The following WDR20 variants were observed in gnomAD, a reference collection of about 807,000 sequenced individuals.
The protein encoded by WDR20 is WD repeat domain 20, also known as WD repeat-containing protein 20.
In WDR20, 3 loss-of-function variants were observed where a neutral mutation model predicts 38.7. That is an observed-to-expected ratio of 0.08 (90% CI 0.04 to 0.20). The LOEUF (loss-of-function observed/expected upper bound fraction) is 0.20, where lower values mean the gene tolerates loss of function less well. Ranked by LOEUF, WDR20 falls within the 10% of genes least tolerant of loss-of-function variation. The probability of loss-of-function intolerance (pLI) is 1.00; values close to 1 mark genes in which losing one functional copy is unlikely to be tolerated. For missense variants in WDR20, 559 were observed against 727.7 expected, an observed-to-expected ratio of 0.77 and a Z score of 2.67; for synonymous variants, 298 against 285.6, an observed-to-expected ratio of 1.04 and a Z score of -0.44.
downstream of WDR20, among the ~76,000 whole-genome samples, chr14:102,216,026 T>C (rs957825897): frequency 2.6e-5 from 4 of 152,114 alleles, no homozygotes; most frequent in African/African-American, 4.8e-5. Flanking sequence ...TCATGAGACA[T>C]CCAGGTCCCA....
At chr14:102,166,145 G>A (rs8009777) in intron 1 of WDR20, among the ~76,000 whole-genome samples, 5 of 134,566 alleles carry the variant, frequency 3.7e-5, no homozygotes, top group South Asian at 2.3e-4. Flanking sequence ...GACTATAGGC[G>A]TGTACCACCA....
chr14:102,143,914 T>C (rs770106163), intron 1 of WDR20, among the ~76,000 whole-genome samples: 2 of 151,734 alleles, frequency 1.3e-5, no homozygotes, highest in South Asian at 4.2e-4. Flanking sequence ...CAGTGGCTCA[T>C]ACCTGTAATC....
At chr14:102,139,769 C>G (rs2050231921), upstream of WDR20, 6 of 1,157,552 alleles carry the variant, frequency 5.2e-6, no homozygotes, top group Admixed American at 1.3e-4. Context: ...ACAAGCCCAC[C>G]CCTTCCCTTT....
rs1226526986 is a variant in WDR20 at position 102,222,088 on chromosome 14, G to A, written c.1693-742G>A. Among the ~76,000 whole-genome samples, 1 of 147,188 alleles carries A rather than the reference G, an allele frequency of 6.8e-6. No individual in the cohort carries two copies. The highest frequency in any genetic ancestry group is 2.5e-5 in the African/African-American group (1 of 39,382). The stretch of plus-strand genomic sequence containing the variant: ...TTGTAAAATCTGGGTGAGATTCCCC[G>A]CCCCCGCCCCCGACAGTGAGCCTCT... On this transcript the variant is annotated intron_variant, in intron 3 of 3. Coordinates refer to the WDR20 transcript ENST00000335263. This position sits in a 1 kb window ranked among gnomAD's most constrained non-coding sequence, Gnocchi z 4.4.
downstream of WDR20, among the ~76,000 whole-genome samples, chr14:102,210,749 C>T (rs1385709499): frequency 8.4e-6 from 1 of 118,412 alleles, no homozygotes; most frequent in Non-Finnish European, 1.7e-5. Flanking sequence ...CGGGGAGGTG[C>T]GGTGGGGGAG....
intron 1 of WDR20, among the ~76,000 whole-genome samples, chr14:102,166,144 C>T (rs1384700289): frequency 7.3e-6 from 1 of 136,978 alleles, no homozygotes; most frequent in African/African-American, 2.7e-5. Context: ...GGACTATAGG[C>T]GTGTACCACC....
intron 2 of WDR20, among the ~76,000 whole-genome samples, chr14:102,201,296 A>G (rs973015099): frequency 1.3e-5 from 2 of 152,156 alleles, no homozygotes; most frequent in African/African-American, 4.8e-5. Flanking sequence ...ATAAATTAAT[A>G]TCTGCATTTT....
At chr14:102,199,854 G>C (rs1171335218) in intron 2 of WDR20, among the ~76,000 whole-genome samples, 1 of 152,240 alleles carries the variant, frequency 6.6e-6, no homozygotes, top group Non-Finnish European at 1.5e-5. Context: ...TAAAATGCTT[G>C]TTGATAGAAA....
upstream of WDR20, chr14:102,139,424 C>A: frequency 6.6e-7 from 1 of 1,526,596 alleles, no homozygotes; most frequent in Non-Finnish European, 8.8e-7. Flanking sequence ...CCGTAGGGTA[C>A]CCCGCGTGCT....
intron 1 of WDR20, among the ~76,000 whole-genome samples, chr14:102,188,712 T>TA (rs890250596): frequency 4.7e-4 from 66 of 141,868 alleles, no homozygotes; most frequent in South Asian, 2.5e-3. Flanking sequence ...TACAGAAAAT[T>TA]AAAAAAAAAA....
chr14:102,213,867 C>T (rs1002759145), downstream of WDR20: 21 of 985,290 alleles, frequency 2.1e-5, no homozygotes, highest in African/African-American at 3.1e-4. Context: ...AGAAGGGATC[C>T]ACGGAAACCC....
chr14:102,150,159 A>T (rs1296914124), intron 1 of WDR20, among the ~76,000 whole-genome samples: 1 of 152,178 alleles, frequency 6.6e-6, no homozygotes, highest in African/African-American at 2.4e-5. Flanking sequence ...GAAGGAATTT[A>T]TAAGGATTTT....
In WDR20 at chr14:102,194,976, C is replaced by T. The variant is rs2059173232; in HGVS notation, c.288C>T (p.Tyr96=). The T allele has an allele frequency of 6.2e-7, 1 of 1,614,108 alleles. No homozygotes were observed. Among genetic ancestry groups the T allele is most frequent in the African/African-American group, 1.3e-5 (1 of 74,916 alleles). The part of the protein sequence containing the change: ...DLSKPIDKRI[Y]KGTQPTCHDF... Reference sequence around the variant, plus strand: ...GTAAACCAATAGATAAAAGGATATACAAAGGAACACAGCCTACTTGTCATG... The same window carrying T: ...GTAAACCAATAGATAAAAGGATATATAAAGGAACACAGCCTACTTGTCATG... The change falls in exon 2 of 3, where the codon TAC becomes TAT. Residue 96 remains tyrosine (Y), a synonymous_variant. Coordinates refer to ENST00000342702, the MANE Select transcript of WDR20 (RefSeq NM_144574.4).
intron 1 of WDR20, among the ~76,000 whole-genome samples, chr14:102,145,839 C>T (rs948661871): frequency 6.6e-6 from 1 of 152,102 alleles, no homozygotes; most frequent in African/African-American, 2.4e-5. Context: ...AGCCAAAGAA[C>T]CTTCCTACCT....
intron 2 of WDR20, among the ~76,000 whole-genome samples, chr14:102,205,696 C>T (rs1030660505): frequency 2.6e-5 from 4 of 151,732 alleles, no homozygotes; most frequent in African/African-American, 9.7e-5. Context: ...CAGGGCGCCC[C>T]CAGAGAAGCA....
intron 1 of WDR20, among the ~76,000 whole-genome samples, chr14:102,161,142 A>ATATATAT (rs1342924049): frequency 9.3e-4 from 15 of 16,056 alleles, no homozygotes; most frequent in African/African-American, 3.8e-3. Context: ...ATATATATAT[A>ATATATAT]TTTTTTTTTT....
upstream of WDR20, chr14:102,139,728 A>T (rs1375877678): frequency 3.7e-6 from 3 of 817,802 alleles, no homozygotes; most frequent in African/African-American, 3.5e-5. Context: ...GGAGCACGCC[A>T]GGTGAGCACG....
chr14:102,139,795 G>T, upstream of WDR20: 2 of 1,410,696 alleles, frequency 1.4e-6, no homozygotes, highest in Admixed American at 2.0e-5. Context: ...GCCCTCGCAG[G>T]GCTGGCCCGC....
rs1452397801 is a variant in WDR20, at chr14:102,222,771, A to G, written c.1693-59A>G. On this transcript the variant is annotated intron_variant, in intron 3 of 3. Coordinates refer to the WDR20 transcript ENST00000335263. The surrounding 1 kb of genome is among the most constrained non-coding windows in gnomAD (Gnocchi z 4.4). ...GTGGAGCTGCTGGCGGAGGGCGCGC[A>G]TGGTGGCTGTTGCCCGTCCGGTGTT... 17 of 1,599,908 alleles carry G rather than the reference A, an allele frequency of 1.1e-5. No homozygotes were observed. In the South Asian group the frequency reaches 1.1e-4, roughly 10 times the overall value.
Sources: allele counts gnomAD v4.1 joint callset (sites outside exome capture counted in the v4.1 genomes callset), GRCh38; gene constraint gnomAD v4.1.1; non-coding constraint Gnocchi (gnomAD v3.1); transcripts MANE v1.5; gene names NCBI Gene and HGNC (gene_info 2026-07-23, HGNC 2026-07-21).